The following CFAP410 variants were observed in gnomAD, a reference collection of about 807,000 sequenced individuals.
The protein encoded by CFAP410 is cilia and flagella associated protein 410.
Under a neutral mutation model 25.7 loss-of-function variants are expected in CFAP410, and 27 were observed. The observed-to-expected ratio is 1.05, with a 90% CI of 0.77 to 1.45. The LOEUF (loss-of-function observed/expected upper bound fraction) is 1.45. Among genes scored for constraint, CFAP410 ranks in the 40% most tolerant of loss-of-function variants. The probability of loss-of-function intolerance (pLI) is 0.00; values close to 1 mark genes in which losing one functional copy is unlikely to be tolerated. For missense variants in CFAP410, 428 were observed against 354.1 expected (o/e 1.21, Z -1.67); for synonymous variants, 178 against 158.4 (o/e 1.12, Z -0.93).
At chr21:44,335,342 G>C (rs2047731956) in intron 3 of CFAP410, 1 of 216,618 alleles carries the variant, frequency 4.6e-6, no homozygotes, top group Non-Finnish European at 9.3e-6. Context: ...TGGTGGCACT[G>C]GGGGGCAGAA....
At chr21:44,334,157 G>A (rs1360722512) in intron 3 of CFAP410, 3 of 456,224 alleles carry the variant, frequency 6.6e-6, no homozygotes, top group Non-Finnish European at 1.3e-5. Context: ...GCGGCCTCGA[G>A]GCTTCCTGCT....
At position 44,330,312 on chromosome 21, in the gene CFAP410, G is replaced by A. The variant is rs767817825; in HGVS notation, c.657C>T (p.Ala219=). 1.2e-6 allele frequency: 2 copies of A among 1,610,734 alleles called. No individual in the cohort carries two copies. The highest frequency in any genetic ancestry group is 8.5e-7 in the Non-Finnish European group (1 of 1,178,972). Residue 219 remains alanine (A), a synonymous_variant, in exon 7 of 7, where the codon GCC becomes GCT. Transcript: ENST00000339818. ...SSHRGRNVLT[A]ILLLLRELDA... Reference sequence around the variant, plus strand: ...CCAGCTCCCGCAGCAGCAGCAGGATGGCAGTCAGGACGTTCTGAGGGCAGA... The same window carrying A: ...CCAGCTCCCGCAGCAGCAGCAGGATAGCAGTCAGGACGTTCTGAGGGCAGA...
In CFAP410 at chr21:44,330,270, C is replaced by A. The variant is rs367748552; in HGVS notation, c.699G>T (p.Glu233Asp). The stretch of plus-strand genomic sequence containing the variant: ...GGCTGCCCACAGTCTGCTGCACGGC[C>A]TCCAGCCCCTCTGCATCCAGCTCCC... The part of the protein sequence containing the change: ...LLRELDAEGL[E>D]AVQQTVGSRL... The change falls in exon 7 of 7, where the codon GAG (glutamate) becomes GAT (aspartate). Residue 233 changes from glutamate to aspartate, a missense_variant. Transcript: ENST00000339818. 1 of 1,606,316 alleles carries A rather than the reference C, an allele frequency of 6.2e-7. No homozygotes were observed. Among genetic ancestry groups the A allele is most frequent in the South Asian group, 1.1e-5 (1 of 89,988 alleles).
intron 3 of CFAP410, chr21:44,334,849 C>G: frequency 6.1e-6 from 1 of 162,742 alleles, no homozygotes; most frequent in Admixed American, 6.0e-5. Context: ...GCAGGCTGGG[C>G]ACGGGCATCA....
intron 4 of CFAP410, chr21:44,332,381 A>G (rs1262687375): frequency 2.0e-5 from 4 of 198,880 alleles, no homozygotes; most frequent in Non-Finnish European, 4.0e-5. Flanking sequence ...TATTAATATC[A>G]ATAAAATTGT....
In CFAP410 at chr21:44,329,577, C is replaced by T. The variant is rs115857899; in HGVS notation, c.*621G>A. 1,538 of 152,530 alleles carry T rather than the reference C, an allele frequency of 0.01. 21 individuals carry two copies. The highest frequency in any genetic ancestry group is 0.033 in the African/African-American group (1,366 of 41,578). The allele number at this position is 152,530 out of a possible 1,614,324, so 9.4% of individuals were successfully genotyped here. The stretch of plus-strand genomic sequence containing the variant: ...GAACAGGCCTGTTCATCCACAACCT[C>T]ACAGCTGAGGGCCCTCCTGCAGTTC... On this transcript the variant is annotated 3_prime_UTR_variant, in exon 7 of 7. Coordinates refer to ENST00000339818, the MANE Select transcript of CFAP410 (RefSeq NM_004928.3).
rs559588631 is a variant in CFAP410, at chr21:44,333,883, C to G, written c.144-621G>C. On this transcript the variant is annotated intron_variant, in intron 3 of 6. Transcript: ENST00000339818. ...CCGCTCCCGCAGGCCCTCAAAGGCGCGGAGCCAGGGCCCCCTGCCTGGAGG... is the reference window on the plus strand; with the variant it reads ...CCGCTCCCGCAGGCCCTCAAAGGCGGGGAGCCAGGGCCCCCTGCCTGGAGG... 1.4e-5 allele frequency: 5 copies of G among 356,366 alleles called. No individual in the cohort carries two copies. In the Admixed American group the frequency reaches 1.9e-4, roughly 13 times the overall value. 22.1% of individuals were successfully genotyped at this position (356,366 alleles called of 1,614,324 possible). A position where few individuals can be genotyped will look rare whatever the true frequency, so the allele number is the denominator to read the frequency against.
At chr21:44,336,631 C>T (rs1437340511) in intron 2 of CFAP410, among the ~76,000 whole-genome samples, 6 of 152,112 alleles carry the variant, frequency 3.9e-5, no homozygotes, top group Non-Finnish European at 8.8e-5. Context: ...ATAAGTGACT[C>T]GTGTCTATGG....
In CFAP410 at chr21:44,334,684, G is replaced by T. The variant is rs546323045; in HGVS notation, c.143+1074C>A. ...CAGAGAGGGCCATGCCTCGCCCAAG[G>T]TTAGCCAGCCAATAGATGGGAGGGC... On this transcript the variant is annotated intron_variant, in intron 3 of 6. Transcript: ENST00000339818. 11 of 255,024 alleles carry T rather than the reference G, an allele frequency of 4.3e-5. No individual in the cohort carries two copies. The South Asian group carries it at 4.4e-4, about 10-fold the overall frequency. The allele number at this position is 255,024 out of a possible 1,614,324, so 15.8% of individuals were successfully genotyped here.
chr21:44,334,451 T>C (rs184756537), intron 3 of CFAP410: 197 of 301,198 alleles, frequency 6.5e-4, no homozygotes, highest in African/African-American at 5.8e-3. Context: ...CTGTGTCGCC[T>C]GACTAGTGAA....
intron 4 of CFAP410, 119 bp downstream of exon 4, chr21:44,332,914 C>T (rs2047678090): frequency 4.2e-6 from 3 of 705,918 alleles, no homozygotes. Flanking sequence ...CTTCACAGGA[C>T]ACATCTATGT....
intron 3 of CFAP410, chr21:44,335,459 A>G: frequency 2.2e-6 from 1 of 453,930 alleles, no homozygotes; most frequent in Non-Finnish European, 3.9e-6. Flanking sequence ...TGGCCCAGTG[A>G]ACACAGCAAT....
At chr21:44,335,550 G>T in intron 3 of CFAP410, 1 of 598,962 alleles carries the variant, frequency 1.7e-6, no homozygotes, top group Non-Finnish European at 3.0e-6. Context: ...GGAGGCCCAG[G>T]TGAGGCTCTG....
chr21:44,333,300 C>T, intron 3 of CFAP410, 38 bp from the exon 4 acceptor site: 1 of 1,495,952 alleles, frequency 6.7e-7, no homozygotes, highest in Non-Finnish European at 9.1e-7. Context: ...GGGACGTGGC[C>T]AGGGCCCCCA....
chr21:44,337,687 ATACTT>A lies in CFAP410; in HGVS notation c.78-25_78-21del. ...CTGCCCCTGGGGAGAGAAAAGATAC[ATACTT>A]TAATTTTGTTAAAGTTGAATAAAAA... On this transcript the variant is annotated intron_variant, in intron 1 of 6. Coordinates refer to ENST00000339818, the MANE Select transcript of CFAP410 (RefSeq NM_004928.3). 6.2e-7 allele frequency: 1 copy of A among 1,606,730 alleles called. No homozygotes were observed. Among genetic ancestry groups the A allele is most frequent in the Non-Finnish European group, 8.5e-7 (1 of 1,175,346 alleles).
intron 5 of CFAP410, chr21:44,331,156 C>T (rs2047640986): frequency 3.5e-6 from 2 of 576,330 alleles, no homozygotes; most frequent in South Asian, 4.5e-5. Context: ...CCCTGGGGCT[C>T]CCCAGCTGTA....
intron 2 of CFAP410, 137 bp downstream of exon 2, chr21:44,337,512 G>C: frequency 1.5e-6 from 1 of 679,598 alleles, no homozygotes; most frequent in South Asian, 2.0e-5. Context: ...AGTGAACAAA[G>C]TACCAAGTGT....
At chr21:44,331,754 C>T (rs1440019782) in intron 5 of CFAP410, 89 bp downstream of exon 5, 13 of 1,249,716 alleles carry the variant, frequency 1.0e-5, no homozygotes, top group African/African-American at 1.5e-5. Context: ...CCCAGAGACG[C>T]AGCTCACGGG....
rs148553252 is a variant in CFAP410, at chr21:44,330,295, C to T, written c.674G>A (p.Arg225Gln). ...NVLTAILLLL[R>Q]ELDAEGLEAV... ...CTCCAGCCCCTCTGCATCCAGCTCC[C>T]GCAGCAGCAGCAGGATGGCAGTCAG... is the stretch of plus-strand genomic sequence containing the variant. The change falls in exon 7 of 7, where the codon CGG (arginine) becomes CAG (glutamine). Residue 225 changes from arginine (R) to glutamine (Q), a missense_variant. By Grantham distance (43) the Arg-to-Gln change is conservative (BLOSUM62 1). Coordinates refer to ENST00000339818, the MANE Select transcript of CFAP410 (RefSeq NM_004928.3). 80 of 1,610,132 alleles carry T rather than the reference C, an allele frequency of 5.0e-5. 1 individual carries two copies. In the African/African-American group the frequency reaches 6.0e-4, roughly 12 times the overall value.
Sources: allele counts gnomAD v4.1 joint callset (sites outside exome capture counted in the v4.1 genomes callset), GRCh38; gene constraint gnomAD v4.1.1; transcripts MANE v1.5; gene names NCBI Gene and HGNC (gene_info 2026-07-23, HGNC 2026-07-21).